Variants in CFAP299 observed in about 807,000 individuals in gnomAD.
The protein encoded by CFAP299 is cilia- and flagella-associated protein 299.
CFAP299 carries 21 observed loss-of-function variants against 27.0 expected under a neutral mutation model. That is an observed-to-expected ratio of 0.78 (90% confidence interval 0.55 to 1.12). The LOEUF is 1.12. CFAP299 is among the 50% of genes most tolerant of loss of function. The pLI is 0.00. For missense variants in CFAP299, 310 were observed against 276.6 expected (o/e 1.12, Z -0.86); for synonymous variants, 104 against 98.1 (o/e 1.06, Z -0.36).
At chr4:80,333,694 G>A (rs1210860702), upstream of CFAP299, among the ~76,000 whole-genome samples, 6 of 152,076 alleles carry the variant, frequency 3.9e-5, no homozygotes, top group Non-Finnish European at 7.4e-5. Context: ...ACATCTTGGG[G>A]TTTTATTATG....
intron 3 of CFAP299, among the ~76,000 whole-genome samples, chr4:80,693,806 A>G (rs1299877458): frequency 6.6e-6 from 1 of 152,002 alleles, no homozygotes; most frequent in African/African-American, 2.4e-5. Flanking sequence ...AATCTCCAGT[A>G]TATAATTTGA....
intron 3 of CFAP299, among the ~76,000 whole-genome samples, chr4:80,799,146 T>C (rs1375950419): frequency 8.1e-6 from 1 of 123,476 alleles, no homozygotes; most frequent in East Asian, 2.9e-4. Flanking sequence ...ATATATATTA[T>C]ATAAATATAT....
intron 3 of CFAP299, among the ~76,000 whole-genome samples, chr4:80,719,970 G>T (rs766379138): frequency 1.3e-5 from 2 of 152,184 alleles, no homozygotes; most frequent in Non-Finnish European, 2.9e-5. Flanking sequence ...GTTTCTGAGA[G>T]ATGGGAAACA....
In CFAP299 at chr4:80,521,296, C is replaced by T. The variant is rs1275860526; in HGVS notation, c.243-61797C>T. On this transcript the variant is annotated intron_variant, in intron 2 of 5. Transcript: ENST00000358105. ...GGCACAATAAACAGGTAATTTTATTCTCATTCTTATATGGCTATCATAATA... is the reference window on the plus strand; with the variant it reads ...GGCACAATAAACAGGTAATTTTATTTTCATTCTTATATGGCTATCATAATA... Among the ~76,000 whole-genome samples the T allele has an allele frequency of 3.9e-5, 6 of 152,062 alleles. 1 individual carries two copies. Among genetic ancestry groups the T allele is most frequent in the African/African-American group, 1.4e-4 (6 of 41,422 alleles).
chr4:80,461,827 C>T (rs1166451076), intron 2 of CFAP299, among the ~76,000 whole-genome samples: 5 of 152,280 alleles, frequency 3.3e-5, no homozygotes, highest in Non-Finnish European at 7.4e-5. Flanking sequence ...AACTTCCTCA[C>T]TTGGACATAT....
At chr4:80,874,263 G>A (rs1347966635) in intron 4 of CFAP299, among the ~76,000 whole-genome samples, 1 of 152,164 alleles carries the variant, frequency 6.6e-6, no homozygotes, top group Non-Finnish European at 1.5e-5. Flanking sequence ...CACTGAATTT[G>A]AAAGAGGGGG....
At chr4:80,594,216 C>G (rs1282935621) in intron 3 of CFAP299, among the ~76,000 whole-genome samples, 1 of 152,146 alleles carries the variant, frequency 6.6e-6, no homozygotes, top group African/African-American at 2.4e-5. Flanking sequence ...CCCCAGGAAA[C>G]TCACAACCAT....
chr4:80,394,012 T>C (rs555795664), intron 2 of CFAP299, among the ~76,000 whole-genome samples: 185 of 152,278 alleles, frequency 1.2e-3, no homozygotes, highest in African/African-American at 4.2e-3. Context: ...TCATGAGATC[T>C]GATGGTTTCA....
At chr4:80,730,274 G>GTA (rs1560721599) in intron 3 of CFAP299, among the ~76,000 whole-genome samples, 17 of 148,950 alleles carry the variant, frequency 1.1e-4, no homozygotes, top group African/African-American at 4.0e-4. Flanking sequence ...GTGTGTGTGT[G>GTA]TGTGTATGTG....
intron 3 of CFAP299, among the ~76,000 whole-genome samples, chr4:80,674,187 T>G (rs1349783771): frequency 1.3e-5 from 2 of 152,204 alleles, no homozygotes; most frequent in Non-Finnish European, 2.9e-5. Flanking sequence ...GTTTAGTGCT[T>G]CTTTCAGGAG....
intron 3 of CFAP299, among the ~76,000 whole-genome samples, chr4:80,816,481 T>C (rs1410301166): frequency 6.6e-6 from 1 of 152,172 alleles, no homozygotes; most frequent in Non-Finnish European, 1.5e-5. Flanking sequence ...GATGTCAATT[T>C]TGATTCCAAT....
At chr4:80,540,188 T>A (rs1440586852) in intron 2 of CFAP299, among the ~76,000 whole-genome samples, 1 of 152,250 alleles carries the variant, frequency 6.6e-6, no homozygotes. Flanking sequence ...AAGTTTCCTT[T>A]ATGCTTAACC....
chr4:80,537,177 A>G (rs1430882505), intron 2 of CFAP299, among the ~76,000 whole-genome samples: 2 of 152,122 alleles, frequency 1.3e-5, no homozygotes, highest in Non-Finnish European at 2.9e-5. Flanking sequence ...GCTGTTTTTG[A>G]AAAACAATAA....
intron 2 of CFAP299, chr4:80,387,377 G>A: frequency 1.6e-6 from 2 of 1,247,990 alleles, no homozygotes; most frequent in Non-Finnish European, 2.4e-6. Flanking sequence ...GGTCATGTGA[G>A]ACTTGAGCTG....
chr4:80,617,786 G>A (rs1738370600), intron 3 of CFAP299, among the ~76,000 whole-genome samples: 2 of 152,128 alleles, frequency 1.3e-5, no homozygotes, highest in Non-Finnish European at 2.9e-5. Context: ...AAAGCATATT[G>A]AAACTAGAGG....
chr4:80,559,318 G>A (rs1042633856), intron 2 of CFAP299, among the ~76,000 whole-genome samples: 48 of 142,192 alleles, frequency 3.4e-4, no homozygotes, highest in African/African-American at 1.3e-3. Flanking sequence ...TATTACTTCT[G>A]CCATAATATA....
intron 3 of CFAP299, among the ~76,000 whole-genome samples, chr4:80,643,197 A>G (rs1739819369): frequency 6.6e-6 from 1 of 152,148 alleles, no homozygotes; most frequent in Non-Finnish European, 1.5e-5. Context: ...TGACTAGGCC[A>G]AATCCTGCTG....
intron 2 of CFAP299, among the ~76,000 whole-genome samples, chr4:80,535,548 CTCTAGCCATGTTTCTGGATGGAT>C (rs1733699802): frequency 6.8e-6 from 1 of 147,388 alleles, no homozygotes; most frequent in South Asian, 2.2e-4. Context: ...TCATATCACT[CTCTAGCCATGTTTCTGGATGGAT>C]AAATAAACAG....
intron 4 of CFAP299, among the ~76,000 whole-genome samples, chr4:80,908,581 A>C (rs1431676316): frequency 6.6e-6 from 1 of 152,222 alleles, no homozygotes; most frequent in Non-Finnish European, 1.5e-5. Context: ...CGTACACATT[A>C]GTGTCACCAG....
Sources: allele counts gnomAD v4.1 joint callset (sites outside exome capture counted in the v4.1 genomes callset), GRCh38; gene constraint gnomAD v4.1.1; transcripts MANE v1.5; gene names NCBI Gene and HGNC (gene_info 2026-07-23, HGNC 2026-07-21).